ITGAM: variants seen among roughly 807,000 people sequenced by gnomAD.
ITGAM encodes integrin subunit alpha M, also known as integrin alpha-M.
In ITGAM, 79 loss-of-function variants were observed where a neutral mutation model predicts 137.5. The ratio of observed to expected loss-of-function variants is 0.57; its 90% CI spans 0.48 to 0.69. The LOEUF (loss-of-function observed/expected upper bound fraction) is 0.69, where lower values mean the gene tolerates loss of function less well. ITGAM is among the 30% of genes least tolerant of loss of function. The pLI is 0.00. For synonymous variants in ITGAM, 583 were observed against 592.3 expected (o/e 0.98, Z 0.23); for missense variants, 1,343 against 1,483.5 (o/e 0.91, Z 1.56).
At chr16:31,312,449 C>T (rs964534337) in intron 14 of ITGAM, among the ~76,000 whole-genome samples, 3 of 152,066 alleles carry the variant, frequency 2.0e-5, no homozygotes, top group Admixed American at 6.6e-5. Context: ...ATTTTTGAGA[C>T]AGGGTCTTGG....
intron 5 of ITGAM, among the ~76,000 whole-genome samples, chr16:31,267,427 T>C (rs2079781890): frequency 6.6e-6 from 1 of 152,110 alleles, no homozygotes; most frequent in Admixed American, 6.6e-5. Flanking sequence ...TTATTTTATC[T>C]TAATAAGCGG....
intron 7 of ITGAM, among the ~76,000 whole-genome samples, chr16:31,272,461 ATATTTTTTTTTTTTTTTTTTTTT>A (rs1404830674): frequency 1.1e-4 from 1 of 9,470 alleles, no homozygotes; most frequent in Non-Finnish European, 1.7e-4. Context: ...ATATATATAT[ATATTTTTTTTTTTTTTTTTTTTT>A]TTTTTTTTTT....
intron 26 of ITGAM, 50 bp downstream of exon 26, chr16:31,330,214 C>T (rs758647467): frequency 1.9e-6 from 3 of 1,595,680 alleles, no homozygotes; most frequent in Middle Eastern, 3.3e-4. Context: ...AGAGCGCTTC[C>T]CTGCTGGAAC....
Position 31,290,915 on chromosome 16 carries a change from A to T in ITGAM, c.1357-6599A>T, listed in dbSNP as rs189155549. 3.3e-3 allele frequency among the ~76,000 whole-genome samples: 501 copies of T among 152,288 alleles called. 4 individuals are homozygous for T. The highest frequency in any genetic ancestry group is 0.011 in the African/African-American group (471 of 41,588). ...GGAGCAATGTATAAAAATTAGTTTT[A>T]TTTCTATAATATAATTGAACAATTG... On this transcript the variant is annotated intron_variant, in intron 12 of 29. Coordinates refer to ENST00000544665, the MANE Select transcript of ITGAM (RefSeq NM_000632.4).
At chr16:31,312,742 T>C (rs1194602542) in intron 14 of ITGAM, among the ~76,000 whole-genome samples, 4 of 152,164 alleles carry the variant, frequency 2.6e-5, no homozygotes, top group African/African-American at 9.7e-5. Context: ...CTATAATTTA[T>C]TCAGAACATC....
intron 11 of ITGAM, 112 bp downstream of exon 11, chr16:31,277,161 GCTAT>G: frequency 1.1e-6 from 1 of 905,662 alleles, no homozygotes; most frequent in Middle Eastern, 2.4e-4. Flanking sequence ...TGGGATACTA[GCTAT>G]TAGTCTCTTG....
At chr16:31,312,344 A>G (rs2144444096) in intron 14 of ITGAM, among the ~76,000 whole-genome samples, 1 of 152,340 alleles carries the variant, frequency 6.6e-6, no homozygotes, top group South Asian at 2.1e-4. Context: ...ATCAACAAAG[A>G]ACATGCAAGA....
intron 7 of ITGAM, 52 bp downstream of exon 7, chr16:31,272,044 T>C: frequency 6.2e-7 from 1 of 1,606,586 alleles, no homozygotes; most frequent in South Asian, 1.1e-5. Flanking sequence ...CACTTTTAGC[T>C]GGGCTTTGAT....
At chr16:31,315,928 C>A (rs1206501030) in intron 14 of ITGAM, among the ~76,000 whole-genome samples, 2 of 151,778 alleles carry the variant, frequency 1.3e-5, no homozygotes, top group Non-Finnish European at 2.9e-5. Flanking sequence ...GGCGCGGTGG[C>A]TCATGCCTGT....
intron 28 of ITGAM, 139 bp from the exon 29 acceptor site, chr16:31,331,026 G>T: frequency 3.3e-6 from 2 of 608,924 alleles, no homozygotes; most frequent in East Asian, 2.8e-5. Flanking sequence ...AGAAGAGGTG[G>T]GGGAGGAGGA....
At chr16:31,265,021 C>T (rs1048142995) in intron 2 of ITGAM, among the ~76,000 whole-genome samples, 1 of 152,024 alleles carries the variant, frequency 6.6e-6, no homozygotes, top group Non-Finnish European at 1.5e-5. Context: ...GTACGCACCA[C>T]CACGTGTGGC....
intron 12 of ITGAM, among the ~76,000 whole-genome samples, chr16:31,282,717 C>T (rs2079983474): frequency 6.6e-6 from 1 of 152,170 alleles, no homozygotes; most frequent in South Asian, 2.1e-4. Context: ...AGCCCATTTA[C>T]ATTTAAGGTT....
chr16:31,331,276 G>A lies in ITGAM; in HGVS notation c.3387+1G>A. ...CCTCATCACCGCCGCGCTGTACAAG[G>A]TGCTCCCCGCTGCTCCCCCACCCCC... On this transcript the variant is annotated splice_donor_variant, in intron 29 of 29. Transcript: ENST00000544665. LOFTEE classifies it high-confidence loss of function. 1 of 1,589,678 alleles carries A rather than the reference G, an allele frequency of 6.3e-7. No individual in the cohort carries two copies. Among genetic ancestry groups the A allele is most frequent in the Non-Finnish European group, 8.6e-7 (1 of 1,160,930 alleles).
rs1180453873 is a variant in ITGAM, at chr16:31,330,561, G to A, written c.3232G>A (p.Val1078Met). Residue 1078 changes from valine to methionine, a missense_variant, in exon 28 of 30, where the codon GTG becomes ATG. Physicochemically the swap from Val to Met is conservative, Grantham distance 21. Transcript: ENST00000544665. ...STAEILFNDS[V>M]FTLLPGQGAF... is the part of the protein sequence containing the mutation. ...AGCTGAGATCTTGTTTAACGATTCC[G>A]TGTTCACCCTGCTGCCGGGACAGGG... The A allele has an allele frequency of 1.9e-6, 3 of 1,613,198 alleles. No homozygotes were observed. The highest frequency in any genetic ancestry group is 2.2e-5 in the East Asian group (1 of 44,840).
At chr16:31,300,165 G>GA (rs1020546293) in intron 14 of ITGAM, among the ~76,000 whole-genome samples, 12 of 152,252 alleles carry the variant, frequency 7.9e-5, no homozygotes, top group Admixed American at 5.2e-4. Flanking sequence ...GAGAGGGAAG[G>GA]AAAAATCCCT....
chr16:31,272,573 T>C (rs1298707640), intron 7 of ITGAM, among the ~76,000 whole-genome samples: 1 of 133,472 alleles, frequency 7.5e-6, no homozygotes, highest in Admixed American at 8.2e-5. Flanking sequence ...AACCTCCACC[T>C]CCTGGGTTCA....
intron 5 of ITGAM, among the ~76,000 whole-genome samples, chr16:31,270,725 ATATATATATATATATAT>A (rs1328062236): frequency 2.8e-5 from 3 of 108,554 alleles, no homozygotes; most frequent in African/African-American, 1.2e-4. Flanking sequence ...ATATATATAT[ATATATATATATATATAT>A]ATGTTTTTAA....
chr16:31,297,376 T>A (rs1597008137), intron 12 of ITGAM, 138 bp from the exon 13 acceptor site: 1 of 1,146,990 alleles, frequency 8.7e-7, no homozygotes, highest in East Asian at 2.5e-5. Context: ...AAGTGATAAT[T>A]TATCATGAAC....
intron 12 of ITGAM, among the ~76,000 whole-genome samples, chr16:31,285,402 T>C (rs2080018102): frequency 6.6e-6 from 1 of 152,058 alleles, no homozygotes; most frequent in African/African-American, 2.4e-5. Context: ...GGCAGGTGGA[T>C]CACCTGAGGT....
Sources: gnomAD v4.1 joint callset for allele counts (sites outside exome capture counted in the v4.1 genomes callset) on GRCh38, gnomAD v4.1.1 for gene constraint, MANE v1.5 for transcripts, NCBI Gene and HGNC (gene_info 2026-07-23, HGNC 2026-07-21) for gene names.